Variants in ANK2 observed in about 807,000 individuals in gnomAD.
ANK2 encodes ankyrin-2.
A neutral mutation model predicts 360.5 loss-of-function variants in ANK2; 83 were observed. That is an observed-to-expected ratio of 0.23 (90% CI 0.19 to 0.28). The LOEUF is 0.28. ANK2 is among the 10% of genes least tolerant of loss of function. The probability of loss-of-function intolerance (pLI) is 1.00; values close to 1 mark genes in which losing one functional copy is unlikely to be tolerated. For synonymous variants in ANK2, 1,740 were observed against 1,759.5 expected, an observed-to-expected ratio of 0.99 and a Z score of 0.28; for missense variants, 4,201 against 4,795.7, an observed-to-expected ratio of 0.88 and a Z score of 3.66.
At chr4:112,710,198 A>G in the ANK2 span, among the ~76,000 whole-genome samples, 6 of 152,212 alleles carry the variant, frequency 3.9e-5, no homozygotes, top group African/African-American at 1.4e-4. Context: ...GGGATTTAAA[A>G]TGTGGTCTTA....
At chr4:112,898,054 A>C (rs1028414972) in intron 1 of ANK2, among the ~76,000 whole-genome samples, 1 of 152,150 alleles carries the variant, frequency 6.6e-6, no homozygotes, top group Admixed American at 6.5e-5. Context: ...CATCTTTATC[A>C]ATAGACTTTA....
rs148961988 is a variant in ANK2 at position 113,358,878 on chromosome 4, G to A, written c.10260G>A (p.Arg3420=). 29 of 1,614,060 alleles carry A rather than the reference G, an allele frequency of 1.8e-5. No individual in the cohort carries two copies. In the East Asian group the frequency reaches 6.0e-4, roughly 33 times the overall value. The change falls in exon 38 of 46, where the codon AGG becomes AGA. Residue 3420 remains arginine, a synonymous_variant. Transcript: ENST00000357077. ...AGACAGAAACAGAGAGCAGAGAGAG[G>A]GCCGAGGAACTTGAGTTAGAATCAG... is the stretch of plus-strand genomic sequence containing the variant. The part of the protein sequence containing the change: ...YTETETESRE[R]AEELELESEE...
Position 113,255,694 on chromosome 4 carries a change from A to G in ANK2, c.991-41A>G, listed in dbSNP as rs555031420. On this transcript the variant is annotated intron_variant, in intron 10 of 45. Coordinates refer to ENST00000357077, the MANE Select transcript of ANK2 (RefSeq NM_001148.6). ...GTACTTTGGAACCTGAAAATAATGAAAAAAAAAAAGGACATTATTTTGTTT... is the reference window on the plus strand; with the variant it reads ...GTACTTTGGAACCTGAAAATAATGAGAAAAAAAAAGGACATTATTTTGTTT... 6.3e-5 allele frequency: 98 copies of G among 1,557,966 alleles called. No homozygotes were observed. The African/African-American group carries it at 9.8e-4, about 16-fold the overall frequency.
chr4:112,765,209 A>G, the ANK2 span, among the ~76,000 whole-genome samples: 2,717 of 152,314 alleles, frequency 0.018, 96 homozygotes, highest in African/African-American at 0.06. Flanking sequence ...ATTTCTTAAT[A>G]TCATCTAAGA....
Position 113,336,749 on chromosome 4 carries a change from C to T in ANK2, c.3764C>T (p.Ala1255Val), listed in dbSNP as rs1216782321. Residue 1255 changes from alanine to valine, a missense_variant, in exon 31 of 46, where the codon GCA becomes GTA. By Grantham distance (64) the Ala-to-Val change is moderately conservative. Around this residue, in one of 4 missense-constraint regions of ANK2, gnomAD observed 1,268 missense variants for 1,650.8 expected, o/e 0.77. Coordinates refer to ENST00000357077, the MANE Select transcript of ANK2 (RefSeq NM_001148.6). ...DVMLNGFGGD[A>V]PTLRLLCSIT... ...ATGTTGAATGGTTTTGGGGGAGATGCACCAACCTTAAGATTACTATGCAGC... is the reference window on the plus strand; with the variant it reads ...ATGTTGAATGGTTTTGGGGGAGATGTACCAACCTTAAGATTACTATGCAGC... 9 of 1,613,992 alleles carry T rather than the reference C, an allele frequency of 5.6e-6. No homozygotes were observed. The highest frequency in any genetic ancestry group is 7.6e-6 in the Non-Finnish European group (9 of 1,180,012).
At chr4:113,010,777 C>T (rs954324192) in intron 2 of ANK2, among the ~76,000 whole-genome samples, 1 of 151,998 alleles carries the variant, frequency 6.6e-6, no homozygotes, top group African/African-American at 2.4e-5. Flanking sequence ...TTAACCTGTC[C>T]TCTTTCCCAC....
chr4:113,018,319 T>G (rs955133566), intron 2 of ANK2, among the ~76,000 whole-genome samples: 5 of 152,244 alleles, frequency 3.3e-5, no homozygotes, highest in African/African-American at 1.2e-4. Context: ...TATTAGTCTT[T>G]GACCATCAAT....
At chr4:112,815,590 G>A (rs896109813), upstream of ANK2, among the ~76,000 whole-genome samples, 2 of 152,154 alleles carry the variant, frequency 1.3e-5, no homozygotes, top group Non-Finnish European at 2.9e-5. Context: ...TTCAGGATGG[G>A]AACTCTTTGC....
chr4:113,325,916 A>G (rs1002856192), intron 26 of ANK2, among the ~76,000 whole-genome samples: 2 of 152,158 alleles, frequency 1.3e-5, no homozygotes, highest in Admixed American at 6.5e-5. Context: ...ATCAATCCAT[A>G]TTACTGCCTC....
intron 1 of ANK2, among the ~76,000 whole-genome samples, chr4:113,129,649 G>A (rs2095884096): frequency 6.6e-6 from 1 of 152,104 alleles, no homozygotes; most frequent in East Asian, 1.9e-4. Context: ...CAAAATACCA[G>A]AAAACTATTT....
At chr4:112,905,411 C>T (rs2084857966) in intron 2 of ANK2, among the ~76,000 whole-genome samples, 1 of 152,128 alleles carries the variant, frequency 6.6e-6, no homozygotes, top group Non-Finnish European at 1.5e-5. Flanking sequence ...AATAAAATTG[C>T]AATTTTTAAA....
At chr4:113,095,121 C>G (rs1423709299) in intron 1 of ANK2, among the ~76,000 whole-genome samples, 1 of 152,120 alleles carries the variant, frequency 6.6e-6, no homozygotes, top group Non-Finnish European at 1.5e-5. Flanking sequence ...TGAGAACTAC[C>G]CTCTTCCAAT....
the ANK2 span, among the ~76,000 whole-genome samples, chr4:112,745,559 G>A: frequency 7.9e-6 from 1 of 127,266 alleles, no homozygotes; most frequent in Non-Finnish European, 1.6e-5. Flanking sequence ...TTGAGACAGA[G>A]TTTCGCTCCT....
At chr4:112,947,370 A>G (rs2094609917) in intron 2 of ANK2, among the ~76,000 whole-genome samples, 1 of 152,184 alleles carries the variant, frequency 6.6e-6, no homozygotes, top group Admixed American at 6.5e-5. Context: ...TTATTTACCT[A>G]TATTTCCATA....
At chr4:113,187,111 C>T (rs1309584372) in intron 2 of ANK2, among the ~76,000 whole-genome samples, 2 of 151,892 alleles carry the variant, frequency 1.3e-5, no homozygotes, top group African/African-American at 4.8e-5. Context: ...GCTCTTTATG[C>T]AGGCTGGAGT....
At chr4:112,877,664 T>G (rs533163246) in intron 1 of ANK2, among the ~76,000 whole-genome samples, 4 of 152,286 alleles carry the variant, frequency 2.6e-5, no homozygotes, top group African/African-American at 9.6e-5. Context: ...CCTCAGAGTA[T>G]TAAACAACTC....
Position 113,311,269 on chromosome 4 carries a change from A to T in ANK2, c.2563A>T (p.Thr855Ser). ...VSDEEGDDTM[T>S]GDGGEYLRPE... ...ATTGTTTCAAGGTGATGACACAATG[A>T]CTGGTGATGGGGGAGAATACCTTAG... Residue 855 changes from threonine to serine, a missense_variant, in exon 24 of 46, where the codon ACT (threonine) becomes TCT (serine). Thr to Ser is a moderately conservative substitution (Grantham distance 58). Around this residue, in one of 4 missense-constraint regions of ANK2, gnomAD observed 1,268 missense variants for 1,650.8 expected, o/e 0.77. Coordinates refer to ENST00000357077, the MANE Select transcript of ANK2 (RefSeq NM_001148.6). 6.2e-7 allele frequency: 1 copy of T among 1,614,154 alleles called. No individual in the cohort carries two copies. The highest frequency in any genetic ancestry group is 8.5e-7 in the Non-Finnish European group (1 of 1,180,026).
chr4:112,848,960 C>T (rs1315550707), intron 1 of ANK2, among the ~76,000 whole-genome samples: 1 of 152,194 alleles, frequency 6.6e-6, no homozygotes, highest in Admixed American at 6.5e-5. Context: ...TAAATAGCAA[C>T]TGCTGGGCTG....
chr4:112,741,265 G>A, the ANK2 span, among the ~76,000 whole-genome samples: 2 of 152,214 alleles, frequency 1.3e-5, no homozygotes, highest in African/African-American at 2.4e-5. Context: ...TCAGGAGAAA[G>A]AGATTAGGTC....
Sources: gnomAD v4.1 joint callset for allele counts (sites outside exome capture counted in the v4.1 genomes callset) on GRCh38, gnomAD v4.1.1 for gene constraint, gnomAD v4.1.1 regional missense constraint, MANE v1.5 for transcripts, NCBI Gene and HGNC (gene_info 2026-07-23, HGNC 2026-07-21) for gene names.